Variants in IMPACT observed in about 807,000 individuals in gnomAD.
The protein encoded by IMPACT is protein IMPACT.
In IMPACT, 35 loss-of-function variants were observed where a neutral mutation model predicts 47.5. That is an observed-to-expected ratio of 0.74 (90% CI 0.56 to 0.98). IMPACT has a LOEUF of 0.98. IMPACT is among the 50% of genes least tolerant of loss of function. IMPACT has a pLI of 0.00. For synonymous variants in IMPACT, 118 were observed against 125.6 expected, an observed-to-expected ratio of 0.94 and a Z score of 0.40; for missense variants, 373 against 394.8, an observed-to-expected ratio of 0.94 and a Z score of 0.47.
intron 7 of IMPACT, among the ~76,000 whole-genome samples, chr18:24,445,004 T>C (rs919846229): frequency 6.6e-6 from 1 of 152,230 alleles, no homozygotes; most frequent in Non-Finnish European, 1.5e-5. Flanking sequence ...GATGTGGTTT[T>C]ATAACATTTG....
intron 7 of IMPACT, 79 bp from the exon 8 acceptor site, chr18:24,445,314 G>T: frequency 1.2e-6 from 1 of 837,280 alleles, no homozygotes; most frequent in East Asian, 2.5e-5. Flanking sequence ...AATACAGCAT[G>T]CTTCAAGGTA....
chr18:24,434,201 T>C (rs1003305724), intron 4 of IMPACT, among the ~76,000 whole-genome samples: 7 of 151,876 alleles, frequency 4.6e-5, no homozygotes, highest in African/African-American at 9.7e-5. Flanking sequence ...AACATAAAAA[T>C]TAACTGGGTG....
intron 1 of IMPACT, 62 bp downstream of exon 1, chr18:24,426,854 T>C (rs1194508297): frequency 1.7e-6 from 2 of 1,167,004 alleles, no homozygotes; most frequent in Admixed American, 4.2e-5. Flanking sequence ...GCCATGCCAG[T>C]CCTCCTCAGC....
chr18:24,451,952 T>C lies in IMPACT; in HGVS notation c.*1105T>C, dbSNP rs1055222200. 2.0e-5 allele frequency: 3 copies of C among 152,098 alleles called. No individual in the cohort carries two copies. The highest frequency in any genetic ancestry group is 7.2e-5 in the African/African-American group (3 of 41,398). 9.4% of individuals were successfully genotyped at this position (152,098 alleles called of 1,614,324 possible). On this transcript the variant is annotated 3_prime_UTR_variant, in exon 11 of 11. Transcript: ENST00000284202. The stretch of plus-strand genomic sequence containing the variant: ...CATCTTCCAGTTACCTCTAGGCATT[T>C]AGATAGTGAAATTTACCTTTGAGAT...
At chr18:24,429,410 T>C (rs933574127) in intron 3 of IMPACT, 5 of 152,852 alleles carry the variant, frequency 3.3e-5, no homozygotes, top group African/African-American at 1.2e-4. Flanking sequence ...GACCTGTTGA[T>C]GCAAGTGATA....
intron 1 of IMPACT, chr18:24,427,556 C>T: frequency 5.7e-6 from 1 of 176,948 alleles, no homozygotes; most frequent in Non-Finnish European, 1.2e-5. Context: ...GGGTGGGAGT[C>T]AGGGGTGGAG....
intron 1 of IMPACT, chr18:24,427,078 G>C (rs930742606): frequency 6.0e-5 from 22 of 365,850 alleles, no homozygotes; most frequent in Non-Finnish European, 9.7e-5. Context: ...AAAAACCGGG[G>C]TTTCGATCCC....
At chr18:24,429,071 A>G in intron 3 of IMPACT, 150 bp downstream of exon 3, 1 of 511,704 alleles carries the variant, frequency 2.0e-6, no homozygotes, top group East Asian at 3.4e-5. Context: ...AGAGCATTTA[A>G]ATAAAAATTA....
chr18:24,445,582 C>T, intron 8 of IMPACT, 116 bp downstream of exon 8: 1 of 531,730 alleles, frequency 1.9e-6, no homozygotes, highest in Non-Finnish European at 3.1e-6. Context: ...TAGTAATAGA[C>T]ATGGAATATT....
chr18:24,428,546 T>C (rs1908670742), intron 2 of IMPACT, among the ~76,000 whole-genome samples: 1 of 152,226 alleles, frequency 6.6e-6, no homozygotes. Flanking sequence ...ACATAAAGGA[T>C]GCAAAACAGT....
At chr18:24,430,192 T>G in intron 3 of IMPACT, 130 bp from the exon 4 acceptor site, 1 of 549,256 alleles carries the variant, frequency 1.8e-6, no homozygotes, top group Non-Finnish European at 3.1e-6. Context: ...TATATAGATT[T>G]ATACAAATAT....
At chr18:24,436,539 TTTTTTGTTTTG>T (rs1835572527) in intron 4 of IMPACT, among the ~76,000 whole-genome samples, 1 of 151,772 alleles carries the variant, frequency 6.6e-6, no homozygotes, top group African/African-American at 2.4e-5. Flanking sequence ...TGGCCTGTTT[TTTTTTGTTTTG>T]TTTTTGTTTT....
intron 4 of IMPACT, among the ~76,000 whole-genome samples, 159 bp downstream of exon 4, chr18:24,430,543 A>G (rs909527463): frequency 4.6e-5 from 7 of 152,216 alleles, no homozygotes; most frequent in Non-Finnish European, 2.9e-5. Flanking sequence ...AAGGTTAGTT[A>G]TATAATTTTA....
chr18:24,452,409 A>G lies in IMPACT; in HGVS notation c.*1562A>G, dbSNP rs560793409. The G allele has an allele frequency of 6.6e-6, 1 of 152,284 alleles. No homozygotes were observed. The highest frequency in any genetic ancestry group is 2.1e-4 in the South Asian group (1 of 4,830). 9.4% of individuals were successfully genotyped at this position (152,284 alleles called of 1,614,324 possible). On this transcript the variant is annotated 3_prime_UTR_variant, in exon 11 of 11. Transcript: ENST00000284202. The stretch of plus-strand genomic sequence containing the variant: ...AACTGTTAAAATAATTTAAAAATTA[A>G]TTATTTTACATAATTAAAGAAGTTA...
chr18:24,445,857 T>C (rs571778075), intron 8 of IMPACT, among the ~76,000 whole-genome samples: 1 of 152,316 alleles, frequency 6.6e-6, no homozygotes, highest in South Asian at 2.1e-4. Context: ...CATTTCCTTT[T>C]AGTTTTTCAT....
At chr18:24,443,208 G>T in intron 7 of IMPACT, 56 bp downstream of exon 7, 1 of 798,334 alleles carries the variant, frequency 1.3e-6, no homozygotes, top group South Asian at 1.7e-5. Context: ...TCAGGTAAAT[G>T]ATTTTGCAAT....
chr18:24,429,013 C>T, intron 3 of IMPACT, 92 bp downstream of exon 3: 1 of 777,038 alleles, frequency 1.3e-6, no homozygotes, highest in South Asian at 1.8e-5. Flanking sequence ...AAATACCTTT[C>T]TTATTAACAT....
intron 7 of IMPACT, 69 bp from the exon 8 acceptor site, chr18:24,445,324 A>G: frequency 1.1e-6 from 1 of 948,240 alleles, no homozygotes. Flanking sequence ...GCTTCAAGGT[A>G]TTTTTCTAGC....
chr18:24,451,951 TTAGA>T lies in IMPACT; in HGVS notation c.*1108_*1111del, dbSNP rs937149020. On this transcript the variant is annotated 3_prime_UTR_variant, in exon 11 of 11. Coordinates refer to ENST00000284202, the MANE Select transcript of IMPACT (RefSeq NM_018439.4). ...TCATCTTCCAGTTACCTCTAGGCATTTAGATAGTGAAATTTACCTTTGAGATATA... is the reference window on the plus strand; with the variant it reads ...TCATCTTCCAGTTACCTCTAGGCATTTAGTGAAATTTACCTTTGAGATATA... 1 of 151,872 alleles carries T rather than the reference TTAGA, an allele frequency of 6.6e-6. No individual in the cohort carries two copies. Among genetic ancestry groups the T allele is most frequent in the African/African-American group, 2.4e-5 (1 of 41,370 alleles). 9.4% of individuals were successfully genotyped at this position (151,872 alleles called of 1,614,324 possible).
Sources: allele counts gnomAD v4.1 joint callset (sites outside exome capture counted in the v4.1 genomes callset), GRCh38; gene constraint gnomAD v4.1.1; transcripts MANE v1.5; gene names NCBI Gene and HGNC (gene_info 2026-07-23, HGNC 2026-07-21).